The following PHLPP1 variants were observed in gnomAD, a reference collection of about 807,000 sequenced individuals.
PHLPP1 encodes PH domain leucine-rich repeat-containing protein phosphatase 1.
In PHLPP1, 42 loss-of-function variants were observed where a neutral mutation model predicts 117.2. That is an observed-to-expected ratio of 0.36 (90% confidence interval 0.28 to 0.46). The LOEUF is 0.46. PHLPP1 is among the 20% of genes least tolerant of loss of function. The pLI is 1.00. For synonymous variants in PHLPP1, 1,042 were observed against 970.7 expected (o/e 1.07, Z -1.37); for missense variants, 2,084 against 2,241.9 (o/e 0.93, Z 1.42).
At chr18:62,929,713 C>T (rs1480573482) in intron 10 of PHLPP1, among the ~76,000 whole-genome samples, 1 of 152,056 alleles carries the variant, frequency 6.6e-6, no homozygotes, top group Non-Finnish European at 1.5e-5. Flanking sequence ...TTTGGGAGGC[C>T]AAAGCAGGAG....
intron 1 of PHLPP1, among the ~76,000 whole-genome samples, chr18:62,771,939 G>T (rs146511263): frequency 6.6e-6 from 1 of 152,112 alleles, no homozygotes; most frequent in Non-Finnish European, 1.5e-5. Flanking sequence ...TTCAGATTTG[G>T]GAGCACTTCA....
chr18:62,804,883 A>G (rs1407233501), intron 1 of PHLPP1, among the ~76,000 whole-genome samples: 2 of 149,976 alleles, frequency 1.3e-5, no homozygotes, highest in Non-Finnish European at 1.5e-5. Flanking sequence ...AGTATAATAT[A>G]CACTGCATAT....
chr18:62,825,041 C>G (rs956984680), intron 1 of PHLPP1, among the ~76,000 whole-genome samples: 5 of 151,986 alleles, frequency 3.3e-5, no homozygotes, highest in Admixed American at 2.0e-4. Flanking sequence ...ATTGTCCTCC[C>G]TCAGTCTCCC....
intron 9 of PHLPP1, among the ~76,000 whole-genome samples, chr18:62,915,414 G>A (rs1335250382): frequency 6.6e-6 from 1 of 151,994 alleles, no homozygotes; most frequent in East Asian, 1.9e-4. Flanking sequence ...TAACTTTGAC[G>A]GGGGAAAAAG....
intron 1 of PHLPP1, among the ~76,000 whole-genome samples, chr18:62,722,599 G>C (rs1240322142): frequency 6.6e-6 from 1 of 152,014 alleles, no homozygotes; most frequent in South Asian, 2.1e-4. Flanking sequence ...CTGGCCTGAC[G>C]TCACTGTGAT....
chr18:62,953,954 T>G (rs1338430057), intron 12 of PHLPP1, among the ~76,000 whole-genome samples: 3 of 152,212 alleles, frequency 2.0e-5, no homozygotes, highest in African/African-American at 7.2e-5. Context: ...GCAGATGATA[T>G]ATAATACTTT....
At chr18:62,951,687 TA>T (rs1236402983) in intron 12 of PHLPP1, among the ~76,000 whole-genome samples, 1 of 151,994 alleles carries the variant, frequency 6.6e-6, no homozygotes, top group African/African-American at 2.4e-5. Flanking sequence ...CTCTTTTTTT[TA>T]ATGTAAAAAT....
At chr18:62,934,413 C>G (rs1465615583) in intron 10 of PHLPP1, among the ~76,000 whole-genome samples, 1 of 152,104 alleles carries the variant, frequency 6.6e-6, no homozygotes, top group Non-Finnish European at 1.5e-5. Flanking sequence ...AAAATTATGT[C>G]CTTTGCAGCA....
At chr18:62,919,003 G>A (rs190965057) in intron 9 of PHLPP1, among the ~76,000 whole-genome samples, 1 of 152,106 alleles carries the variant, frequency 6.6e-6, no homozygotes, top group African/African-American at 2.4e-5. Context: ...AAAATTGTGG[G>A]CATTTGTGAG....
Position 62,715,606 on chromosome 18 carries a change from T to TCTCCCACCTCCGCCTCCCACCTCCGC in PHLPP1, c.-62_-61insCCACCTCCGCCTCCCACCTCCGCCTC. 1 of 981,840 alleles carries TCTCCCACCTCCGCCTCCCACCTCCGC rather than the reference T, an allele frequency of 1.0e-6. No homozygotes were observed. The highest frequency in any genetic ancestry group is 1.3e-6 in the Non-Finnish European group (1 of 754,976). The allele number at this position is 981,840 out of a possible 1,614,324, so 60.8% of individuals were successfully genotyped here. A position where few individuals can be genotyped will look rare whatever the true frequency, so the allele number is the denominator to read the frequency against. The stretch of plus-strand genomic sequence containing the variant: ...CTCCCTTCTCCGCGCGCCGCCGCCG[T>TCTCCCACCTCCGCCTCCCACCTCCGC]CTCCCACCTCCGCCTCATCGCCTCC... On this transcript the variant is annotated 5_prime_UTR_variant, in exon 1 of 17. Coordinates refer to ENST00000262719, the MANE Select transcript of PHLPP1 (RefSeq NM_194449.4).
chr18:62,807,674 T>C (rs1913988486), intron 1 of PHLPP1, among the ~76,000 whole-genome samples: 1 of 152,234 alleles, frequency 6.6e-6, no homozygotes, highest in Non-Finnish European at 1.5e-5. Flanking sequence ...TATAAACCTG[T>C]GCAGCGTGTT....
chr18:62,767,370 G>C (rs552026203), intron 1 of PHLPP1, among the ~76,000 whole-genome samples: 1 of 152,144 alleles, frequency 6.6e-6, no homozygotes, highest in Non-Finnish European at 1.5e-5. Flanking sequence ...AGCCAAAACC[G>C]CAATTCCTGC....
intron 1 of PHLPP1, among the ~76,000 whole-genome samples, chr18:62,753,586 A>G (rs1017223410): frequency 6.6e-6 from 1 of 152,210 alleles, no homozygotes; most frequent in Non-Finnish European, 1.5e-5. Context: ...GTGTAGCTGC[A>G]TTCAGGTGCT....
intron 11 of PHLPP1, among the ~76,000 whole-genome samples, chr18:62,943,632 G>T (rs980380796): frequency 4.6e-5 from 7 of 152,114 alleles, no homozygotes; most frequent in African/African-American, 1.2e-4. Flanking sequence ...AGATGCCAGG[G>T]TCTTGCGTGA....
intron 10 of PHLPP1, among the ~76,000 whole-genome samples, chr18:62,932,014 A>G (rs1909827125): frequency 6.6e-6 from 1 of 152,184 alleles, no homozygotes; most frequent in Non-Finnish European, 1.5e-5. Context: ...AAAGTAGAAA[A>G]TCTAGAGGAA....
At chr18:62,873,227 ATG>A (rs1365018340) in intron 4 of PHLPP1, among the ~76,000 whole-genome samples, 3 of 152,134 alleles carry the variant, frequency 2.0e-5, no homozygotes, top group Admixed American at 6.5e-5. Flanking sequence ...AATAATTTGT[ATG>A]TGTGTGTTTC....
intron 1 of PHLPP1, among the ~76,000 whole-genome samples, chr18:62,735,785 G>A (rs562935530): frequency 5.3e-5 from 8 of 152,120 alleles, no homozygotes; most frequent in South Asian, 2.1e-4. Flanking sequence ...TTTTAGAAAC[G>A]TATGTAATAT....
At chr18:62,940,354 CTTTTTTTTTTTTTTTTTT>C (rs66530466) in intron 10 of PHLPP1, among the ~76,000 whole-genome samples, 2 of 46,800 alleles carry the variant, frequency 4.3e-5, no homozygotes, top group East Asian at 7.9e-4. Flanking sequence ...TCTTTCTTTT[CTTTTTTTTTTTTTTTTTT>C]TTTTTTTTTT....
chr18:62,844,531 C>T (rs933074843), intron 3 of PHLPP1, among the ~76,000 whole-genome samples: 1 of 152,154 alleles, frequency 6.6e-6, no homozygotes, highest in African/African-American at 2.4e-5. Flanking sequence ...TCCACTGTTA[C>T]CATCTCCTGG....
Sources: allele counts gnomAD v4.1 joint callset (sites outside exome capture counted in the v4.1 genomes callset), GRCh38; gene constraint gnomAD v4.1.1; transcripts MANE v1.5; gene names NCBI Gene and HGNC (gene_info 2026-07-23, HGNC 2026-07-21).